SNX2: variants seen among roughly 807,000 people sequenced by gnomAD.
SNX2 encodes sorting nexin-2.
SNX2 carries 25 observed loss-of-function variants against 69.9 expected under a neutral mutation model. The observed-to-expected ratio is 0.36, with a 90% CI of 0.26 to 0.50. The LOEUF (loss-of-function observed/expected upper bound fraction) is 0.50, where lower values mean the gene tolerates loss of function less well. SNX2 is among the 20% of genes least tolerant of loss of function. The pLI, the probability that SNX2 is intolerant of heterozygous loss-of-function variation, is 0.97. For missense variants in SNX2, 551 were observed against 613.3 expected (o/e 0.90, Z 1.07); for synonymous variants, 229 against 200.4 (o/e 1.14, Z -1.20).
upstream of SNX2, chr5:122,775,076 G>T: frequency 6.4e-7 from 1 of 1,562,756 alleles, no homozygotes; most frequent in Non-Finnish European, 8.7e-7. Flanking sequence ...GCGAGGCCCA[G>T]CTCGCGCAGT....
At chr5:122,826,931 T>A (rs3797072) in intron 12 of SNX2, among the ~76,000 whole-genome samples, 30,638 of 152,000 alleles carry the variant, frequency 0.2, 3,547 homozygotes, top group East Asian at 0.47. Context: ...ATTTTCCTAA[T>A]TTAAAATATT....
In SNX2 at chr5:122,832,768, T is replaced by C. The variant is rs1241612873; in HGVS notation, c.*3120T>C. On this transcript the variant is annotated 3_prime_UTR_variant, in exon 15 of 15. Coordinates refer to ENST00000379516, the MANE Select transcript of SNX2 (RefSeq NM_003100.4). ...TAATTTTAATGTCTTAAGGGAATTA[T>C]AGAGACTTCCATTATTCTGCCTTAA... The C allele has an allele frequency of 6.6e-6, 1 of 152,254 alleles. No homozygotes were observed. The highest frequency in any genetic ancestry group is 1.5e-5 in the Non-Finnish European group (1 of 68,046). 9.4% of individuals were successfully genotyped at this position (152,254 alleles called of 1,614,324 possible). A position where few individuals can be genotyped will look rare whatever the true frequency, so the allele number is the denominator to read the frequency against.
At chr5:122,791,067 T>TA (rs1174870122) in intron 1 of SNX2, among the ~76,000 whole-genome samples, 1 of 152,126 alleles carries the variant, frequency 6.6e-6, no homozygotes, top group Non-Finnish European at 1.5e-5. Flanking sequence ...CATTAATAGA[T>TA]ATTGGAGCCA....
intron 7 of SNX2, among the ~76,000 whole-genome samples, chr5:122,813,798 G>A (rs979474839): frequency 1.4e-5 from 2 of 143,704 alleles, no homozygotes; most frequent in Non-Finnish European, 3.0e-5. Context: ...TTCTGAGACG[G>A]AGTCTCGCTC....
At position 122,833,475 on chromosome 5, in the gene SNX2, C is replaced by T. The variant is rs1006653713; in HGVS notation, c.*3827C>T. The T allele has an allele frequency of 1.3e-5, 2 of 151,950 alleles. No individual in the cohort carries two copies. The highest frequency in any genetic ancestry group is 2.9e-5 in the Non-Finnish European group (2 of 67,988). 9.4% of individuals were successfully genotyped at this position (151,950 alleles called of 1,614,324 possible). ...CCAAAATATTATTTTAATATGTAAT[C>T]CAATATATTGAAGTTATAAGATATT... On this transcript the variant is annotated 3_prime_UTR_variant, in exon 15 of 15. Coordinates refer to ENST00000379516, the MANE Select transcript of SNX2 (RefSeq NM_003100.4).
chr5:122,799,558 A>G, intron 2 of SNX2, 134 bp from the exon 3 acceptor site: 1 of 539,248 alleles, frequency 1.9e-6, no homozygotes, highest in Non-Finnish European at 3.1e-6. Flanking sequence ...CTTTGTGATA[A>G]TTATTTTTAA....
intron 11 of SNX2, among the ~76,000 whole-genome samples, chr5:122,823,644 A>G (rs1201232552): frequency 1.3e-5 from 2 of 152,166 alleles, no homozygotes; most frequent in African/African-American, 4.8e-5. Flanking sequence ...TGAAGAAAAG[A>G]TATGGCCCTG....
intron 11 of SNX2, among the ~76,000 whole-genome samples, chr5:122,824,242 G>A (rs1754100909): frequency 6.6e-6 from 1 of 150,592 alleles, no homozygotes; most frequent in Non-Finnish European, 1.5e-5. Flanking sequence ...AAACACTGAT[G>A]ACATTTTTTT....
intron 10 of SNX2, among the ~76,000 whole-genome samples, chr5:122,818,417 A>G (rs930062072): frequency 1.3e-5 from 2 of 152,220 alleles, no homozygotes; most frequent in African/African-American, 4.8e-5. Context: ...ATTATTTTCA[A>G]TGACAAATGT....
At chr5:122,811,090 T>C (rs1753765695) in intron 7 of SNX2, among the ~76,000 whole-genome samples, 1 of 152,238 alleles carries the variant, frequency 6.6e-6, no homozygotes, top group Non-Finnish European at 1.5e-5. Context: ...CCAACCCAGT[T>C]GGATCTGGTG....
rs532267993 is a variant in SNX2 at position 122,830,528 on chromosome 5, T to C, written c.*880T>C. 8.0e-4 allele frequency among the ~76,000 whole-genome samples: 122 copies of C among 152,332 alleles called. 1 individual carries two copies. Among genetic ancestry groups the C allele is most frequent in the African/African-American group, 2.9e-3 (119 of 41,576 alleles). ...GGTTTTTTTTCTTTTAAACTAAAAG[T>C]ATATCATCTGTGCTCACAGTTGACA... On this transcript the variant is annotated 3_prime_UTR_variant, in exon 15 of 15. Transcript: ENST00000379516.
rs541678071 is a variant in SNX2 at position 122,782,712 on chromosome 5, T to A, written c.108+7501T>A. ...CCACCATGCCCAGCTAATTTTTGTA[T>A]TTTTAGTAGAGATAGGGTTTCGCCA... On this transcript the variant is annotated intron_variant, in intron 1 of 14. Transcript: ENST00000379516. 2.6e-3 allele frequency among the ~76,000 whole-genome samples: 401 copies of A among 151,694 alleles called. 1 individual carries two copies. Among genetic ancestry groups the A allele is most frequent in the African/African-American group, 9.4e-3 (389 of 41,334 alleles).
chr5:122,823,581 A>G (rs1342642532), intron 11 of SNX2, among the ~76,000 whole-genome samples: 1 of 152,196 alleles, frequency 6.6e-6, no homozygotes, highest in Non-Finnish European at 1.5e-5. Context: ...TTTTCCCTGT[A>G]TTGGTACATA....
chr5:122,833,974 A>G lies in SNX2; in HGVS notation c.*4326A>G, dbSNP rs1042649059. The G allele has an allele frequency of 5.3e-5, 8 of 152,226 alleles. No individual in the cohort carries two copies. The highest frequency in any genetic ancestry group is 1.9e-4 in the African/African-American group (8 of 41,470). The allele number at this position is 152,226 out of a possible 1,614,324, so 9.4% of individuals were successfully genotyped here. ...TGAATTGTAGTACTATATTGCTTGAAGGAAGTTTATAACCTGTCTAGAACA... is the reference window on the plus strand; with the variant it reads ...TGAATTGTAGTACTATATTGCTTGAGGGAAGTTTATAACCTGTCTAGAACA... On this transcript the variant is annotated 3_prime_UTR_variant, in exon 15 of 15. Transcript: ENST00000379516.
Position 122,831,009 on chromosome 5 carries a change from C to CAAAAAAAAAA in SNX2, c.*1376_*1385dup, listed in dbSNP as rs58159922. On this transcript the variant is annotated 3_prime_UTR_variant, in exon 15 of 15. Transcript: ENST00000379516. ...AGGCAACAAAAGCAAAACTCCATCT[C>CAAAAAAAAAA]AAAAAAAAAAAAAAAAAAAAAAAAG... Among the ~76,000 whole-genome samples the CAAAAAAAAAA allele has an allele frequency of 7.9e-5, 5 of 63,004 alleles. No homozygotes were observed. The highest frequency in any genetic ancestry group is 1.8e-4 in the African/African-American group (3 of 16,768). 41.3% of individuals were successfully genotyped at this position (63,004 alleles called of 152,430 possible). A position where few individuals can be genotyped will look rare whatever the true frequency, so the allele number is the denominator to read the frequency against.
At chr5:122,793,121 G>C (rs1293904539) in intron 1 of SNX2, among the ~76,000 whole-genome samples, 1 of 151,966 alleles carries the variant, frequency 6.6e-6, no homozygotes, top group Non-Finnish European at 1.5e-5. Flanking sequence ...TCCATTCTTA[G>C]GTTTATACAA....
In SNX2 at chr5:122,831,323, G is replaced by T. The variant is rs1336360165; in HGVS notation, c.*1675G>T. 2.0e-5 allele frequency among the ~76,000 whole-genome samples: 3 copies of T among 151,930 alleles called. No homozygotes were observed. The highest frequency in any genetic ancestry group is 7.3e-5 in the African/African-American group (3 of 41,360). On this transcript the variant is annotated 3_prime_UTR_variant, in exon 15 of 15. Coordinates refer to ENST00000379516, the MANE Select transcript of SNX2 (RefSeq NM_003100.4). ...AATAGGTTAATAATAAGGGCTTGAT[G>T]GGCCAGGCACAGTGACTCACATGCC...
intron 11 of SNX2, among the ~76,000 whole-genome samples, chr5:122,820,280 G>GT (rs1225560066): frequency 6.6e-6 from 1 of 152,192 alleles, no homozygotes; most frequent in Non-Finnish European, 1.5e-5. Context: ...GCTCACGCCT[G>GT]TAATCCCAGC....
At chr5:122,810,398 TTAAAAAAAAAA>T (rs1322708949) in intron 7 of SNX2, among the ~76,000 whole-genome samples, 9 of 59,904 alleles carry the variant, frequency 1.5e-4, no homozygotes, top group Non-Finnish European at 9.4e-5. Flanking sequence ...GAATGATCAA[TTAAAAAAAAAA>T]AAAAAAAAAA....
Sources: allele counts gnomAD v4.1 joint callset (sites outside exome capture counted in the v4.1 genomes callset), GRCh38; gene constraint gnomAD v4.1.1; transcripts MANE v1.5; gene names NCBI Gene and HGNC (gene_info 2026-07-23, HGNC 2026-07-21).